APBA1: variants seen among roughly 807,000 people sequenced by gnomAD.
APBA1 encodes the protein amyloid-beta A4 precursor protein-binding family A member 1.
Under a neutral mutation model 86.6 loss-of-function variants are expected in APBA1, and 55 were observed. That is an observed-to-expected ratio of 0.64 (90% confidence interval 0.51 to 0.80). The LOEUF is 0.80. Ranked by LOEUF, APBA1 falls within the 30% of genes least tolerant of loss-of-function variation. The pLI is 0.00. For missense variants in APBA1, 1,090 were observed against 1,183.0 expected, an observed-to-expected ratio of 0.92 and a Z score of 1.15; for synonymous variants, 511 against 493.9, an observed-to-expected ratio of 1.03 and a Z score of -0.46.
intron 1 of APBA1, among the ~76,000 whole-genome samples, chr9:69,631,854 A>T (rs533358666): frequency 6.6e-6 from 1 of 152,262 alleles, no homozygotes; most frequent in African/African-American, 2.4e-5. Context: ...GGAATTGAAC[A>T]ATGAGAACAC....
intron 9 of APBA1, among the ~76,000 whole-genome samples, chr9:69,450,006 TCG>T (rs1834976408): frequency 6.6e-6 from 1 of 150,792 alleles, no homozygotes; most frequent in East Asian, 2.0e-4. Context: ...TGTAATTCAC[TCG>T]TTTCACATAA....
chr9:69,457,721 C>T (rs1252190712), intron 6 of APBA1, among the ~76,000 whole-genome samples: 1 of 152,188 alleles, frequency 6.6e-6, no homozygotes, highest in East Asian at 1.9e-4. Flanking sequence ...AGAAGCTCCA[C>T]AACCAAAAAG....
At chr9:69,460,391 C>G (rs971994968) in intron 5 of APBA1, among the ~76,000 whole-genome samples, 2 of 152,196 alleles carry the variant, frequency 1.3e-5, no homozygotes, top group African/African-American at 4.8e-5. Context: ...TGCCACACCA[C>G]GAGGATTCCC....
At chr9:69,547,264 C>T (rs183609044) in intron 1 of APBA1, among the ~76,000 whole-genome samples, 13 of 152,324 alleles carry the variant, frequency 8.5e-5, no homozygotes, top group African/African-American at 2.4e-4. Flanking sequence ...TCAGCTCTTT[C>T]CAGCTCTCCA....
chr9:69,582,426 C>G (rs976879675), intron 1 of APBA1, among the ~76,000 whole-genome samples: 8 of 152,262 alleles, frequency 5.3e-5, no homozygotes, highest in Middle Eastern at 3.4e-3. Flanking sequence ...GATGCAACAG[C>G]CTATCAAACC....
At position 69,505,854 on chromosome 9, in the gene APBA1, C is replaced by A. The variant is rs576664188; in HGVS notation, c.1200+10157G>T. 2.0e-5 allele frequency among the ~76,000 whole-genome samples: 3 copies of A among 151,864 alleles called. No individual in the cohort carries two copies. The East Asian group carries it at 5.8e-4, about 30-fold the overall frequency. Reference sequence around the variant, plus strand: ...CCAATATGGCAAAACCCCGTCTCTACTAAAAAATACAAAAATTAGATGGGC... The same window carrying A: ...CCAATATGGCAAAACCCCGTCTCTAATAAAAAATACAAAAATTAGATGGGC... On this transcript the variant is annotated intron_variant, in intron 2 of 12. Coordinates refer to ENST00000265381, the MANE Select transcript of APBA1 (RefSeq NM_001163.4).
At chr9:69,454,622 T>C (rs1835065124) in intron 8 of APBA1, among the ~76,000 whole-genome samples, 1 of 152,060 alleles carries the variant, frequency 6.6e-6, no homozygotes, top group East Asian at 1.9e-4. Flanking sequence ...AGCAAAGGGG[T>C]AAGATTCTCA....
intron 1 of APBA1, among the ~76,000 whole-genome samples, chr9:69,544,119 T>G (rs7044971): frequency 0.6 from 91,747 of 152,034 alleles, 28,284 homozygotes; most frequent in Non-Finnish European, 0.67. Context: ...ATTATTATTT[T>G]TAGGCTGAAT....
chr9:69,672,324 C>A lies in APBA1; in HGVS notation c.-241G>T, dbSNP rs914915031. The A allele has an allele frequency of 2.4e-5, 4 of 169,262 alleles. No homozygotes were observed. The highest frequency in any genetic ancestry group is 4.9e-5 in the Non-Finnish European group (4 of 81,594). The allele number at this position is 169,262 out of a possible 1,614,324, so 10.5% of individuals were successfully genotyped here. ...CCGCCGCCGGGACCGCAGCCGCCCT[C>A]GCCCAGCTCCGGCTCCGCAGCCGCT... is the stretch of plus-strand genomic sequence containing the variant. On this transcript the variant is annotated 5_prime_UTR_variant, in exon 1 of 13. Coordinates refer to ENST00000265381, the MANE Select transcript of APBA1 (RefSeq NM_001163.4).
chr9:69,486,508 G>A (rs1038549941), intron 2 of APBA1, among the ~76,000 whole-genome samples: 5 of 152,096 alleles, frequency 3.3e-5, no homozygotes, highest in African/African-American at 9.7e-5. Context: ...GGAAAAGCAG[G>A]TCCCCAGCAG....
At position 69,516,206 on chromosome 9, in the gene APBA1, C is replaced by G. The variant is rs751463315; in HGVS notation, c.1005G>C (p.Gly335=). Residue 335 remains glycine, a synonymous_variant, in exon 2 of 13, where the codon GGG becomes GGC. Transcript: ENST00000265381. This position sits in a 1 kb window ranked among gnomAD's most constrained non-coding sequence, Gnocchi z 7.3. ...CGCGCTTCTCCTTGCTGTACCGCTG[C>G]CCCGCCTCGCCGCCGCCCGCGGGGC... ...AVGPAGGGEA[G]QRYSKEKRDA... 2 of 1,523,876 alleles carry G rather than the reference C, an allele frequency of 1.3e-6. No individual in the cohort carries two copies. The highest frequency in any genetic ancestry group is 1.8e-6 in the Non-Finnish European group (2 of 1,134,462). The allele number at this position is 1,523,876 out of a possible 1,614,324, so 94.4% of individuals were successfully genotyped here.
At chr9:69,580,766 C>T (rs1821899037) in intron 1 of APBA1, among the ~76,000 whole-genome samples, 1 of 152,166 alleles carries the variant, frequency 6.6e-6, no homozygotes, top group Admixed American at 6.5e-5. Context: ...CTACAGAATC[C>T]TGTGGCTATA....
chr9:69,637,312 A>AG (rs1426751929), intron 1 of APBA1, among the ~76,000 whole-genome samples: 2 of 152,230 alleles, frequency 1.3e-5, no homozygotes, highest in Non-Finnish European at 2.9e-5. Context: ...ATAGTACAAC[A>AG]GGGTGACTAC....
intron 1 of APBA1, among the ~76,000 whole-genome samples, chr9:69,630,391 G>A (rs1445497373): frequency 6.6e-6 from 1 of 152,074 alleles, no homozygotes; most frequent in African/African-American, 2.4e-5. Flanking sequence ...TCCTGTCTAT[G>A]GACTCTGCTC....
chr9:69,597,387 A>T (rs2133970280), intron 1 of APBA1, among the ~76,000 whole-genome samples: 1 of 152,054 alleles, frequency 6.6e-6, no homozygotes, highest in East Asian at 1.9e-4. Flanking sequence ...AATTTGTTTG[A>T]GTTCATTGTA....
At chr9:69,578,167 C>A (rs927644625) in intron 1 of APBA1, among the ~76,000 whole-genome samples, 6 of 152,184 alleles carry the variant, frequency 3.9e-5, no homozygotes, top group Non-Finnish European at 5.9e-5. Context: ...GGCAAGGGAG[C>A]CCTTGGCAAA....
intron 1 of APBA1, among the ~76,000 whole-genome samples, chr9:69,633,498 A>AT (rs1441509327): frequency 1.3e-5 from 2 of 152,218 alleles, no homozygotes; most frequent in Non-Finnish European, 2.9e-5. Flanking sequence ...GGTAGCTCAC[A>AT]TGGAGGGCAA....
chr9:69,533,168 T>G (rs528799810), intron 1 of APBA1, among the ~76,000 whole-genome samples: 1 of 152,168 alleles, frequency 6.6e-6, no homozygotes, highest in African/African-American at 2.4e-5. Flanking sequence ...TTGCTGTGTA[T>G]GTATGATGGA....
At chr9:69,483,519 A>C (rs1366703563) in intron 2 of APBA1, among the ~76,000 whole-genome samples, 1 of 152,126 alleles carries the variant, frequency 6.6e-6, no homozygotes, top group African/African-American at 2.4e-5. Flanking sequence ...CTTGGTGAGC[A>C]TAGTGTGAAA....
Sources: gnomAD v4.1 joint callset for allele counts (sites outside exome capture counted in the v4.1 genomes callset) on GRCh38, gnomAD v4.1.1 for gene constraint, Gnocchi (gnomAD v3.1) non-coding constraint, MANE v1.5 for transcripts, NCBI Gene and HGNC (gene_info 2026-07-23, HGNC 2026-07-21) for gene names.